TRPA1: variants seen among roughly 807,000 people sequenced by gnomAD.
The protein encoded by TRPA1 is ankyrin-like with transmembrane domains 1.
In TRPA1, 129 loss-of-function variants were observed where a neutral mutation model predicts 131.3. The ratio of observed to expected loss-of-function variants is 0.98; its 90% CI spans 0.85 to 1.14. The LOEUF (loss-of-function observed/expected upper bound fraction) is 1.14. TRPA1 is among the 50% of genes most tolerant of loss of function. TRPA1 has a pLI of 0.00. For synonymous variants in TRPA1, 441 were observed against 451.7 expected (o/e 0.98, Z 0.30); for missense variants, 1,304 against 1,354.2 (o/e 0.96, Z 0.58).
intron 4 of TRPA1, 133 bp from the exon 5 acceptor site, chr8:72,063,704 T>G (rs538872631): frequency 3.1e-6 from 2 of 652,282 alleles, no homozygotes; most frequent in South Asian, 3.4e-5. Flanking sequence ...GAGCTTCATA[T>G]GTTATGAAAT....
the TRPA1 span, among the ~76,000 whole-genome samples, chr8:72,086,799 A>G: frequency 6.6e-6 from 1 of 152,206 alleles, no homozygotes; most frequent in African/African-American, 2.4e-5. Context: ...ATTTCAATCC[A>G]GTAATTATCT....
intron 12 of TRPA1, chr8:72,054,100 T>C (rs983666751): frequency 1.3e-5 from 7 of 535,248 alleles, no homozygotes; most frequent in African/African-American, 7.6e-5. Flanking sequence ...TGGTTTAAAA[T>C]ATGAAAGTAT....
At chr8:72,038,409 T>C (rs986839422) in intron 19 of TRPA1, among the ~76,000 whole-genome samples, 2 of 152,084 alleles carry the variant, frequency 1.3e-5, no homozygotes, top group African/African-American at 4.8e-5. Context: ...ATTTTACATG[T>C]ACATTTTAAA....
chr8:72,086,422 C>T, the TRPA1 span, among the ~76,000 whole-genome samples: 2 of 152,154 alleles, frequency 1.3e-5, no homozygotes, highest in Admixed American at 6.5e-5. Context: ...ATTCTGTACA[C>T]ACATAATTCT....
intron 20 of TRPA1, among the ~76,000 whole-genome samples, chr8:72,036,806 TAAC>T (rs1812068621): frequency 1.3e-5 from 2 of 152,356 alleles, no homozygotes; most frequent in African/African-American, 4.8e-5. Context: ...TCTATCCGTA[TAAC>T]AACATGAATG....
chr8:72,022,783 G>T lies in TRPA1; in HGVS notation c.*123C>A. ...TGGTTTACTTTTATACAGCATGCAG[G>T]AACCATGATTTCACACGCAGCAAAA... is the stretch of plus-strand genomic sequence containing the variant. On this transcript the variant is annotated 3_prime_UTR_variant, in exon 27 of 27. Transcript: ENST00000262209. The T allele has an allele frequency of 1.1e-6, 1 of 898,672 alleles. No individual in the cohort carries two copies. The highest frequency in any genetic ancestry group is 1.8e-6 in the Non-Finnish European group (1 of 558,424). The allele number at this position is 898,672 out of a possible 1,614,324, so 55.7% of individuals were successfully genotyped here.
At chr8:72,068,953 A>G in intron 3 of TRPA1, 70 bp downstream of exon 3, 1 of 1,521,974 alleles carries the variant, frequency 6.6e-7, no homozygotes, top group East Asian at 2.3e-5. Context: ...GTGCAAGCAG[A>G]GAGAGCTGGA....
chr8:72,022,537 GT>G lies in TRPA1; in HGVS notation c.*368del. On this transcript the variant is annotated 3_prime_UTR_variant, in exon 27 of 27. Coordinates refer to ENST00000262209, the MANE Select transcript of TRPA1 (RefSeq NM_007332.3). ...TATTTTCTAGAGCATCACATATTATGTAATTAACAAGCAGGAATTCAGTACT... is the reference window on the plus strand; with the variant it reads ...TATTTTCTAGAGCATCACATATTATGAATTAACAAGCAGGAATTCAGTACT... 2.8e-6 allele frequency: 1 copy of G among 352,120 alleles called. No individual in the cohort carries two copies. Among genetic ancestry groups the G allele is most frequent in the South Asian group, 2.4e-5 (1 of 42,244 alleles). 21.8% of individuals were successfully genotyped at this position (352,120 alleles called of 1,614,324 possible).
the TRPA1 span, among the ~76,000 whole-genome samples, chr8:72,085,836 C>T: frequency 5.2e-3 from 795 of 152,158 alleles, 11 homozygotes; most frequent in African/African-American, 0.017. Flanking sequence ...TTTCCTCTTC[C>T]TGGTTAGGTT....
At chr8:72,044,590 T>A (rs188012738) in intron 17 of TRPA1, among the ~76,000 whole-genome samples, 6 of 152,168 alleles carry the variant, frequency 3.9e-5, no homozygotes. Flanking sequence ...TTTGTAGCTA[T>A]GCTAATGGAT....
chr8:72,085,993 C>T, the TRPA1 span, among the ~76,000 whole-genome samples: 38 of 152,182 alleles, frequency 2.5e-4, no homozygotes, highest in South Asian at 1.7e-3. Flanking sequence ...CTCTGCCTCC[C>T]GGGTTCAAGC....
rs184833387 is a variant in TRPA1 at position 72,071,697 on chromosome 8, T to C, written c.268+14A>G. 6,479 of 1,613,134 alleles carry C rather than the reference T, an allele frequency of 4.0e-3. 24 individuals are homozygous for C. The highest frequency in any genetic ancestry group is 4.9e-3 in the Admixed American group (296 of 60,018). On this transcript the variant is annotated intron_variant, in intron 2 of 26. Coordinates refer to ENST00000262209, the MANE Select transcript of TRPA1 (RefSeq NM_007332.3). ...TGAATGATTTCTGGAAGATGAATTG[T>C]AATATTTTGTTACCTTCCAAAGAGG...
chr8:72,089,211 T>C, the TRPA1 span, among the ~76,000 whole-genome samples: 1 of 152,172 alleles, frequency 6.6e-6, no homozygotes, highest in Non-Finnish European at 1.5e-5. Flanking sequence ...TTAAAATGTT[T>C]CCGTGATATC....
At chr8:72,084,001 T>C in the TRPA1 span, among the ~76,000 whole-genome samples, 1 of 152,194 alleles carries the variant, frequency 6.6e-6, no homozygotes, top group Non-Finnish European at 1.5e-5. Flanking sequence ...GCTGAACATA[T>C]AATCATAGTC....
intron 25 of TRPA1, 31 bp from the exon 26 acceptor site, chr8:72,023,942 T>C (rs759468967): frequency 2.2e-5 from 31 of 1,419,642 alleles, no homozygotes; most frequent in South Asian, 2.0e-4. Context: ...GTTACTCAAA[T>C]TGAATTCAAT....
chr8:72,047,168 T>C lies in TRPA1; in HGVS notation c.1945A>G (p.Lys649Glu). Residue 649 changes from lysine (K) to glutamate (E), a missense_variant, in exon 16 of 27, where the codon AAG becomes GAG. Lys to Glu is a moderately conservative substitution (Grantham distance 56). Coordinates refer to ENST00000262209, the MANE Select transcript of TRPA1 (RefSeq NM_007332.3). ...CTTACATAATAGTCTCGGCAGGACT[T>C]GTCTTCTGTGGAATGCAACATGCAG... ...DFCMLHSTED[K>E]SCRDYYIEYN... The C allele has an allele frequency of 6.2e-7, 1 of 1,610,880 alleles. No individual in the cohort carries two copies. Among genetic ancestry groups the C allele is most frequent in the Admixed American group, 1.7e-5 (1 of 59,866 alleles).
intron 13 of TRPA1, 152 bp downstream of exon 13, chr8:72,053,601 T>C (rs1805583314): frequency 1.5e-6 from 1 of 682,402 alleles, no homozygotes; most frequent in Admixed American, 2.1e-5. Context: ...TTTTGATTCA[T>C]ACTTCACCTC....
intron 7 of TRPA1, 83 bp downstream of exon 7, chr8:72,061,542 T>C: frequency 6.5e-7 from 1 of 1,531,686 alleles, no homozygotes; most frequent in Non-Finnish European, 9.0e-7. Flanking sequence ...TTGCTAGCAT[T>C]AGTGCTAACT....
In TRPA1 at chr8:72,026,137, C is replaced by T. The variant is rs952181009; in HGVS notation, c.2938-64G>A. ...TAGTATATGGAATTTTTATATGGCA[C>T]AGAGGCAATCATTAATACAGCAAAA... On this transcript the variant is annotated intron_variant, in intron 24 of 26. Coordinates refer to ENST00000262209, the MANE Select transcript of TRPA1 (RefSeq NM_007332.3). The T allele has an allele frequency of 1.2e-4, 142 of 1,213,792 alleles. 1 individual carries two copies. The South Asian group carries it at 1.3e-3, about 11-fold the overall frequency. The allele number at this position is 1,213,792 out of a possible 1,614,324, so 75.2% of individuals were successfully genotyped here. A position where few individuals can be genotyped will look rare whatever the true frequency, so the allele number is the denominator to read the frequency against.
Sources: gnomAD v4.1 joint callset for allele counts (sites outside exome capture counted in the v4.1 genomes callset) on GRCh38, gnomAD v4.1.1 for gene constraint, MANE v1.5 for transcripts, NCBI Gene and HGNC (gene_info 2026-07-23, HGNC 2026-07-21) for gene names.